NLRP10: variants seen among roughly 807,000 people sequenced by gnomAD.
The protein encoded by NLRP10 is NLR family pyrin domain containing 10, also known as NACHT, LRR and PYD domains-containing protein 10.
NLRP10 carries 7 observed loss-of-function variants against 8.2 expected under a neutral mutation model. The observed-to-expected ratio is 0.85, with a 90% CI of 0.48 to 1.60. The LOEUF (loss-of-function observed/expected upper bound fraction) is 1.60, where lower values mean the gene tolerates loss of function less well. NLRP10 is among the 40% of genes most tolerant of loss of function. NLRP10 has a pLI of 0.00. For missense variants in NLRP10, 814 were observed against 776.3 expected (o/e 1.05, Z -0.58); for synonymous variants, 338 against 314.0 (o/e 1.08, Z -0.81).
rs1018698958 is a variant in NLRP10 at position 7,958,711 on chromosome 11, G to A, written c.*933C>T. Among the ~76,000 whole-genome samples the A allele has an allele frequency of 8.6e-5, 13 of 152,020 alleles. No individual in the cohort carries two copies. The highest frequency in any genetic ancestry group is 1.2e-4 in the Non-Finnish European group (8 of 68,006). On this transcript the variant is annotated 3_prime_UTR_variant, in exon 3 of 3. Transcript: ENST00000691676. ...ACTACAGGTGTGCACCACCACGCCC[G>A]GCTAACTTTCGTATTTTTAGTAAAG...
At chr11:7,965,054 T>C (rs1035996990) in intron 1 of NLRP10, among the ~76,000 whole-genome samples, 192 bp downstream of exon 1, 6 of 152,194 alleles carry the variant, frequency 3.9e-5, no homozygotes, top group Non-Finnish European at 4.4e-5. Flanking sequence ...GGGACTTTGG[T>C]TGTGAGTCAT....
At chr11:7,963,687 A>G (rs1351530624) in intron 1 of NLRP10, 147 bp from the exon 2 acceptor site, 2 of 587,716 alleles carry the variant, frequency 3.4e-6, no homozygotes, top group Non-Finnish European at 6.0e-6. Context: ...AACGCAGGGG[A>G]ATTTTCCTAG....
At chr11:7,961,804 C>T (rs58873048) in intron 2 of NLRP10, among the ~76,000 whole-genome samples, 177 of 152,242 alleles carry the variant, frequency 1.2e-3, no homozygotes, top group African/African-American at 4.2e-3. Flanking sequence ...TGATAGGAGC[C>T]TTGATATAGT....
At position 7,959,673 on chromosome 11, in the gene NLRP10, C is replaced by G. The variant is rs1321788996; in HGVS notation, c.1939G>C (p.Glu647Gln). The G allele has an allele frequency of 1.1e-5, 18 of 1,579,382 alleles. No individual in the cohort carries two copies. The African/African-American group carries it at 2.5e-4, about 22-fold the overall frequency. The change falls in exon 3 of 3, where the codon GAG (glutamate) becomes CAG (glutamine). Residue 647 changes from glutamate to glutamine, a missense_variant. By Grantham distance (29) the Glu-to-Gln change is conservative. Coordinates refer to ENST00000691676, the MANE Select transcript of NLRP10 (RefSeq NM_001391958.1). ...ATGTAAGTATTTTTTGGTGTTTCCT[C>G]TGTCCCTCTGCCTTTTCCAGTAGAA... ...EASTGKGRGT[E>Q]ETPKNTYI
Position 7,960,838 on chromosome 11 carries a change from A to G in NLRP10, c.774T>C (p.Phe258=), listed in dbSNP as rs1238890232. The G allele has an allele frequency of 6.2e-7, 1 of 1,614,020 alleles. No homozygotes were observed. Among genetic ancestry groups the G allele is most frequent in the Non-Finnish European group, 8.5e-7 (1 of 1,180,002 alleles). ...AACCCCTCTTCTTCAACTTTTCTTC[A>G]AAGGGCCTCTGCAGCTCATCAAAGC... ...LDGFDELQRP[F]EEKLKKRGLS... The change falls in exon 3 of 3, where the codon TTT becomes TTC. Residue 258 remains phenylalanine (F), a synonymous_variant. Coordinates refer to ENST00000691676, the MANE Select transcript of NLRP10 (RefSeq NM_001391958.1).
rs1239454428 is a variant in NLRP10 at position 7,960,424 on chromosome 11, A to C, written c.1188T>G (p.Asp396Glu). ...MAYVSTFLPP[D>E]DDGGCSELSR... ...AAAGCTCGGAGCAGCCCCCATCATC[A>C]TCGGGCGGCAGAAAGGTGGAGACGT... Residue 396 changes from aspartate (D) to glutamate (E), a missense_variant, in exon 3 of 3, where the codon GAT (aspartate) becomes GAG (glutamate). Physicochemically the swap from Asp to Glu is conservative, Grantham distance 45. Coordinates refer to ENST00000691676, the MANE Select transcript of NLRP10 (RefSeq NM_001391958.1). 1 of 1,613,964 alleles carries C rather than the reference A, an allele frequency of 6.2e-7. No homozygotes were observed. Among genetic ancestry groups the C allele is most frequent in the Non-Finnish European group, 8.5e-7 (1 of 1,180,042 alleles).
intron 1 of NLRP10, among the ~76,000 whole-genome samples, chr11:7,963,912 G>A (rs1212006543): frequency 6.6e-6 from 1 of 151,696 alleles, no homozygotes; most frequent in Non-Finnish European, 1.5e-5. Flanking sequence ...AGAAAAAAAA[G>A]TCTAAGTTTT....
chr11:7,960,546 T>C lies in NLRP10; in HGVS notation c.1066A>G (p.Ile356Val). Residue 356 changes from isoleucine to valine, a missense_variant, in exon 3 of 3, where the codon ATT becomes GTT. Ile to Val is a conservative substitution (Grantham distance 29). Coordinates refer to ENST00000691676, the MANE Select transcript of NLRP10 (RefSeq NM_001391958.1). ...ILYKACQVPGICWVVCSWLQG... is the reference protein window; with the variant it reads ...ILYKACQVPGVCWVVCSWLQG... ...AGCCAGGAGCAGACCACCCAGCAAA[T>C]GCCTGGAACCTGACACGCTTTGTAG... The C allele has an allele frequency of 1.2e-6, 2 of 1,614,154 alleles. No homozygotes were observed. Among genetic ancestry groups the C allele is most frequent in the Non-Finnish European group, 1.7e-6 (2 of 1,180,034 alleles).
Position 7,960,757 on chromosome 11 carries a change from C to A in NLRP10, c.855G>T (p.Thr285=), listed in dbSNP as rs765306454. Residue 285 remains threonine (T), a synonymous_variant, in exon 3 of 3, where the codon ACG becomes ACT. Coordinates refer to ENST00000691676, the MANE Select transcript of NLRP10 (RefSeq NM_001391958.1). Reference sequence around the variant, plus strand: ...GCCGGGTGGTGATGAGAAGGGAGCACGTGGGGAGTGTATGTCTCCTAATTA... The same window carrying A: ...GCCGGGTGGTGATGAGAAGGGAGCAAGTGGGGAGTGTATGTCTCCTAATTA... The part of the protein sequence containing the change: ...HLLIRRHTLP[T]CSLLITTRPL... The A allele has an allele frequency of 6.2e-7, 1 of 1,613,932 alleles. No homozygotes were observed. Among genetic ancestry groups the A allele is most frequent in the African/African-American group, 1.3e-5 (1 of 74,886 alleles).
rs1941772916 is a variant in NLRP10 at position 7,963,740 on chromosome 11, TG to T, written c.-45-201del. On this transcript the variant is annotated intron_variant, in intron 1 of 2. Transcript: ENST00000691676. ...TTAGTCAGGTGACACGTGACTGTGT[TG>T]GCAAATGGGTAGGAAGGTATGTAGG... 1.4e-5 allele frequency: 8 copies of T among 553,844 alleles called. No homozygotes were observed. The South Asian group carries it at 2.2e-4, about 15-fold the overall frequency. 34.3% of individuals were successfully genotyped at this position (553,844 alleles called of 1,614,324 possible).
Position 7,958,707 on chromosome 11 carries a change from G to T in NLRP10, c.*937C>A, listed in dbSNP as rs1008261684. Among the ~76,000 whole-genome samples, 7 of 152,028 alleles carry T rather than the reference G, an allele frequency of 4.6e-5. No homozygotes were observed. The highest frequency in any genetic ancestry group is 1.0e-4 in the Non-Finnish European group (7 of 67,998). On this transcript the variant is annotated 3_prime_UTR_variant, in exon 3 of 3. Coordinates refer to ENST00000691676, the MANE Select transcript of NLRP10 (RefSeq NM_001391958.1). ...TGGGACTACAGGTGTGCACCACCAC[G>T]CCCGGCTAACTTTCGTATTTTTAGT...
intron 1 of NLRP10, chr11:7,963,792 C>CTCTG (rs890607725): frequency 4.3e-6 from 2 of 464,566 alleles, no homozygotes; most frequent in African/African-American, 3.9e-5. Context: ...ATCTCTCTCT[C>CTCTG]TCTCCCCCAA....
Position 7,963,362 on chromosome 11 carries a change from G to T in NLRP10, c.134C>A (p.Ala45Asp), listed in dbSNP as rs1177112720. ...AATCAGGCCCTCCAACTCCCCTCTG[G>T]CCAGTGGGGGCTGGCCCTCAGACAG... is the stretch of plus-strand genomic sequence containing the variant. ...MTLSEGQPPL[A>D]RGELEGLIPV... is the part of the protein sequence containing the mutation. The change falls in exon 2 of 3, where the codon GCC (alanine) becomes GAC (aspartate). Residue 45 changes from alanine (A) to aspartate (D), a missense_variant. Transcript: ENST00000691676. The T allele has an allele frequency of 1.2e-6, 2 of 1,614,038 alleles. No individual in the cohort carries two copies.
chr11:7,963,004 A>G (rs1941757813), intron 2 of NLRP10, among the ~76,000 whole-genome samples: 1 of 152,210 alleles, frequency 6.6e-6, no homozygotes. Context: ...TTTCTTAAAT[A>G]AATCCCAGCT....
Position 7,960,029 on chromosome 11 carries a change from T to C in NLRP10, c.1583A>G (p.Asn528Ser). The change falls in exon 3 of 3, where the codon AAC becomes AGC. Residue 528 changes from asparagine to serine, a missense_variant. Transcript: ENST00000691676. ...LDISKKDSFS[N>S]LELKFCFRIS... Reference sequence around the variant, plus strand: ...TCTGAAGCAGAACTTGAGCTCCAAGTTCGAGAAGCTGTCTTTTTTCGAGAT... The same window carrying C: ...TCTGAAGCAGAACTTGAGCTCCAAGCTCGAGAAGCTGTCTTTTTTCGAGAT... 6.2e-7 allele frequency: 1 copy of C among 1,614,158 alleles called. No homozygotes were observed. The highest frequency in any genetic ancestry group is 8.5e-7 in the Non-Finnish European group (1 of 1,180,010).
At position 7,958,008 on chromosome 11, in the gene NLRP10, T is replaced by C. The variant is rs899361797; in HGVS notation, c.*1636A>G. ...CAGACTGACTTCTTTCACTTAGTAG[T>C]TGCATTTAAGGCTTCTCCATATCTT... On this transcript the variant is annotated 3_prime_UTR_variant, in exon 3 of 3. Transcript: ENST00000691676. 1.3e-5 allele frequency among the ~76,000 whole-genome samples: 2 copies of C among 152,246 alleles called. No individual in the cohort carries two copies. The highest frequency in any genetic ancestry group is 4.8e-5 in the African/African-American group (2 of 41,482).
Position 7,960,768 on chromosome 11 carries a change from T to G in NLRP10, c.844A>C (p.Thr282Pro), listed in dbSNP as rs1485106735. Reference protein sequence around the residue: ...SLLHLLIRRHTLPTCSLLITT... With the variant: ...SLLHLLIRRHPLPTCSLLITT... Reference sequence around the variant, plus strand: ...ATGAGAAGGGAGCACGTGGGGAGTGTATGTCTCCTAATTAGAAGGTGCAGC... The same window carrying G: ...ATGAGAAGGGAGCACGTGGGGAGTGGATGTCTCCTAATTAGAAGGTGCAGC... Residue 282 changes from threonine (T) to proline (P), a missense_variant, in exon 3 of 3, where the codon ACA becomes CCA. Coordinates refer to ENST00000691676, the MANE Select transcript of NLRP10 (RefSeq NM_001391958.1). The G allele has an allele frequency of 6.2e-7, 1 of 1,614,068 alleles. No individual in the cohort carries two copies. The highest frequency in any genetic ancestry group is 1.1e-5 in the South Asian group (1 of 91,068).
At chr11:7,962,089 G>A (rs980453267) in intron 2 of NLRP10, among the ~76,000 whole-genome samples, 2 of 152,012 alleles carry the variant, frequency 1.3e-5, no homozygotes, top group African/African-American at 4.8e-5. Context: ...GCTGCCTGAG[G>A]CCTCGCCAGA....
Position 7,959,683 on chromosome 11 carries a change from G to T in NLRP10, c.1929C>A (p.Gly643=). 6.3e-7 allele frequency: 1 copy of T among 1,592,806 alleles called. No individual in the cohort carries two copies. Among genetic ancestry groups the T allele is most frequent in the Non-Finnish European group, 8.5e-7 (1 of 1,174,260 alleles). Residue 643 remains glycine, a synonymous_variant, in exon 3 of 3, where the codon GGC becomes GGA. Coordinates refer to ENST00000691676, the MANE Select transcript of NLRP10 (RefSeq NM_001391958.1). ...TTTTTGGTGTTTCCTCTGTCCCTCTGCCTTTTCCAGTAGAAGCTTCCTTTT... is the reference window on the plus strand; with the variant it reads ...TTTTTGGTGTTTCCTCTGTCCCTCTTCCTTTTCCAGTAGAAGCTTCCTTTT... ...GTQKEASTGK[G]RGTEETPKNT... is the part of the protein sequence containing the mutation.
Sources: gnomAD v4.1 joint callset for allele counts (sites outside exome capture counted in the v4.1 genomes callset) on GRCh38, gnomAD v4.1.1 for gene constraint, MANE v1.5 for transcripts, NCBI Gene and HGNC (gene_info 2026-07-23, HGNC 2026-07-21) for gene names.